RNF180: variants seen among roughly 807,000 people sequenced by gnomAD.
RNF180 encodes ring finger protein 180, also known as E3 ubiquitin-protein ligase RNF180.
In RNF180, 38 loss-of-function variants were observed where a neutral mutation model predicts 59.2. That is an observed-to-expected ratio of 0.64 (90% confidence interval 0.50 to 0.84). RNF180 has a LOEUF of 0.84. Ranked by LOEUF, RNF180 falls within the 40% of genes least tolerant of loss-of-function variation. The pLI, the probability that RNF180 is intolerant of heterozygous loss-of-function variation, is 0.00. For synonymous variants in RNF180, 262 were observed against 240.3 expected (o/e 1.09, Z -0.84); for missense variants, 705 against 700.9 (o/e 1.01, Z -0.07).
At chr5:64,169,141 G>T (rs1318619135) in intron 1 of RNF180, among the ~76,000 whole-genome samples, 1 of 152,182 alleles carries the variant, frequency 6.6e-6, no homozygotes, top group African/African-American at 2.4e-5. Flanking sequence ...GTTCCTTACA[G>T]TTTCAGACTG....
intron 5 of RNF180, among the ~76,000 whole-genome samples, chr5:64,277,708 T>A (rs965709206): frequency 6.6e-6 from 1 of 152,152 alleles, no homozygotes; most frequent in African/African-American, 2.4e-5. Flanking sequence ...TGTTGCCTCA[T>A]TTTGCAAGAT....
intron 7 of RNF180, among the ~76,000 whole-genome samples, chr5:64,351,528 T>C (rs575487150): frequency 6.6e-6 from 1 of 152,200 alleles, no homozygotes; most frequent in South Asian, 2.1e-4. Context: ...CAGTATGATA[T>C]TGGCTGTGGG....
At chr5:64,211,577 A>G (rs1257231240) in intron 2 of RNF180, among the ~76,000 whole-genome samples, 1 of 152,150 alleles carries the variant, frequency 6.6e-6, no homozygotes, top group Admixed American at 6.5e-5. Context: ...CAGTATGCCA[A>G]GGAGGCCTGT....
chr5:64,262,392 T>C (rs1744398197), intron 5 of RNF180, among the ~76,000 whole-genome samples: 1 of 152,148 alleles, frequency 6.6e-6, no homozygotes, highest in South Asian at 2.1e-4. Context: ...GCCTTTCATA[T>C]ACCAACTTGT....
chr5:64,274,355 G>C (rs1372470921), intron 5 of RNF180, among the ~76,000 whole-genome samples: 1 of 150,960 alleles, frequency 6.6e-6, no homozygotes, highest in Non-Finnish European at 1.5e-5. Flanking sequence ...ATTTTTAAAA[G>C]TTCCTTATAT....
chr5:64,256,796 A>G lies in RNF180; in HGVS notation c.1227+39400A>G, dbSNP rs531250710. 2.0e-5 allele frequency among the ~76,000 whole-genome samples: 3 copies of G among 152,284 alleles called. No individual in the cohort carries two copies. In the South Asian group the frequency reaches 6.2e-4, roughly 32 times the overall value. On this transcript the variant is annotated intron_variant, in intron 5 of 7. Coordinates refer to ENST00000389100, the MANE Select transcript of RNF180 (RefSeq NM_001113561.2). Reference sequence around the variant, plus strand: ...GAATCTATAAATTACCTTGGGCAGTATGGCCACTTTCACGATATTGATTCT... The same window carrying G: ...GAATCTATAAATTACCTTGGGCAGTGTGGCCACTTTCACGATATTGATTCT...
intron 6 of RNF180, among the ~76,000 whole-genome samples, chr5:64,328,737 G>A (rs1255122054): frequency 6.6e-6 from 1 of 151,962 alleles, no homozygotes; most frequent in Non-Finnish European, 1.5e-5. Context: ...AAATTTCTTA[G>A]GTAAAAATCA....
At chr5:64,340,507 C>G (rs964486795) in intron 7 of RNF180, among the ~76,000 whole-genome samples, 26 of 152,240 alleles carry the variant, frequency 1.7e-4, no homozygotes, top group South Asian at 8.3e-4. Context: ...TAATAGAAAA[C>G]AAAACAGTAC....
intron 5 of RNF180, among the ~76,000 whole-genome samples, chr5:64,322,893 G>A (rs1458486415): frequency 1.3e-5 from 2 of 152,014 alleles, no homozygotes; most frequent in African/African-American, 4.8e-5. Context: ...TACTGCTCAG[G>A]TGATGGGTGC....
intron 6 of RNF180, among the ~76,000 whole-genome samples, chr5:64,327,166 T>G (rs1475002405): frequency 6.6e-6 from 1 of 152,134 alleles, no homozygotes; most frequent in Non-Finnish European, 1.5e-5. Flanking sequence ...GTTTCTGATT[T>G]TATTTGGGTC....
chr5:64,210,488 A>T (rs188057863), intron 2 of RNF180, among the ~76,000 whole-genome samples: 5 of 152,162 alleles, frequency 3.3e-5, no homozygotes, highest in Non-Finnish European at 5.9e-5. Context: ...ATCTGATAAC[A>T]TCTGTTTATA....
At chr5:64,234,402 G>T (rs1426501975) in intron 5 of RNF180, among the ~76,000 whole-genome samples, 1 of 151,676 alleles carries the variant, frequency 6.6e-6, no homozygotes, top group East Asian at 2.0e-4. Flanking sequence ...GGAGGCAGAG[G>T]CTGCAGTGAG....
intron 1 of RNF180, among the ~76,000 whole-genome samples, chr5:64,194,871 A>G (rs976290160): frequency 2.0e-5 from 3 of 152,148 alleles, no homozygotes; most frequent in African/African-American, 7.2e-5. Flanking sequence ...CTTGTTTACA[A>G]GTTACAAGTT....
At chr5:64,293,872 G>A (rs1742738201) in intron 5 of RNF180, among the ~76,000 whole-genome samples, 1 of 152,120 alleles carries the variant, frequency 6.6e-6, no homozygotes, top group Admixed American at 6.5e-5. Context: ...GAAATATTTT[G>A]AAAGTTAAAG....
At chr5:64,301,207 G>A (rs1186725210) in intron 5 of RNF180, among the ~76,000 whole-genome samples, 1 of 151,664 alleles carries the variant, frequency 6.6e-6, no homozygotes. Context: ...AGAACAAATG[G>A]TAAATGAACA....
chr5:64,256,144 G>C (rs1269109590), intron 5 of RNF180, among the ~76,000 whole-genome samples: 2 of 152,068 alleles, frequency 1.3e-5, no homozygotes, highest in Admixed American at 6.6e-5. Context: ...CTCCCATTCT[G>C]TAGGTTGCCT....
intron 5 of RNF180, among the ~76,000 whole-genome samples, chr5:64,308,543 CTA>C (rs1366064627): frequency 1.3e-5 from 2 of 151,658 alleles, no homozygotes; most frequent in African/African-American, 4.8e-5. Flanking sequence ...GAACCTAATT[CTA>C]TGTTTTTCCA....
intron 5 of RNF180, chr5:64,217,661 T>G (rs779233768): frequency 3.8e-5 from 14 of 368,554 alleles, no homozygotes; most frequent in Non-Finnish European, 5.5e-5. Flanking sequence ...TGTCTTCAAA[T>G]CTTTTGGGCT....
chr5:64,312,946 T>C (rs1743847144), intron 5 of RNF180, among the ~76,000 whole-genome samples: 2 of 152,144 alleles, frequency 1.3e-5, no homozygotes, highest in African/African-American at 4.8e-5. Flanking sequence ...GTACTATATC[T>C]GGGTGTGGCC....
Sources: gnomAD v4.1 joint callset for allele counts (sites outside exome capture counted in the v4.1 genomes callset) on GRCh38, gnomAD v4.1.1 for gene constraint, MANE v1.5 for transcripts, NCBI Gene and HGNC (gene_info 2026-07-23, HGNC 2026-07-21) for gene names.